LRPPRC: variants seen among roughly 807,000 people sequenced by gnomAD.
The protein encoded by LRPPRC is leucine-rich PPR motif-containing protein, mitochondrial.
Under a neutral mutation model 180.3 loss-of-function variants are expected in LRPPRC, and 120 were observed. The observed-to-expected ratio is 0.67, with a 90% CI of 0.57 to 0.77. The LOEUF (loss-of-function observed/expected upper bound fraction) is 0.77, where lower values mean the gene tolerates loss of function less well. LRPPRC is among the 30% of genes least tolerant of loss of function. LRPPRC has a pLI of 0.00. For synonymous variants in LRPPRC, 723 were observed against 600.0 expected, an observed-to-expected ratio of 1.21 and a Z score of -3.00; for missense variants, 2,012 against 1,657.2, an observed-to-expected ratio of 1.21 and a Z score of -3.72.
Position 43,899,364 on chromosome 2 carries a change from T to C in LRPPRC, c.3710-30A>G, listed in dbSNP as rs1251694954. The C allele has an allele frequency of 1.9e-6, 3 of 1,607,278 alleles. No individual in the cohort carries two copies. In the South Asian group the frequency reaches 3.3e-5, roughly 18 times the overall value. On this transcript the variant is annotated intron_variant, in intron 33 of 37. Coordinates refer to ENST00000260665, the MANE Select transcript of LRPPRC (RefSeq NM_133259.4). Reference sequence around the variant, plus strand: ...AAAAATGACAGGTAAGAAAAATCTTTCATTAGAACAGTGGTATAACTCACC... The same window carrying C: ...AAAAATGACAGGTAAGAAAAATCTTCCATTAGAACAGTGGTATAACTCACC...
intron 25 of LRPPRC, among the ~76,000 whole-genome samples, chr2:43,933,845 A>G (rs1239723902): frequency 6.6e-6 from 1 of 152,234 alleles, no homozygotes; most frequent in African/African-American, 2.4e-5. Flanking sequence ...TTTTAAGAAC[A>G]AAGAATTCTT....
At chr2:43,965,030 A>G (rs1022350204) in intron 11 of LRPPRC, among the ~76,000 whole-genome samples, 4 of 152,076 alleles carry the variant, frequency 2.6e-5, no homozygotes, top group Admixed American at 6.5e-5. Flanking sequence ...GAGACTGAAT[A>G]TTGCTCGGTC....
At chr2:43,894,774 T>C (rs112998481) in intron 35 of LRPPRC, 145 bp from the exon 36 acceptor site, 3 of 624,174 alleles carry the variant, frequency 4.8e-6, no homozygotes, top group African/African-American at 1.8e-5. Flanking sequence ...GTCCCTTGTA[T>C]ATTAGCATTT....
chr2:43,979,922 GCAA>G lies in LRPPRC; in HGVS notation c.370_372del (p.Leu127del). ...AGAGAACCACAACTACGTAGTAGAAGCAAGGCATGACTACCACCTAGGCCACCT... is the reference window on the plus strand; with the variant it reads ...AGAGAACCACAACTACGTAGTAGAAGGGCATGACTACCACCTAGGCCACCT... On this transcript the variant is annotated inframe_deletion, in exon 3 of 38. Coordinates refer to ENST00000260665, the MANE Select transcript of LRPPRC (RefSeq NM_133259.4). 1 of 1,613,782 alleles carries G rather than the reference GCAA, an allele frequency of 6.2e-7. No homozygotes were observed. The highest frequency in any genetic ancestry group is 8.5e-7 in the Non-Finnish European group (1 of 1,179,746).
At chr2:43,960,333 A>G (rs1229068837) in intron 13 of LRPPRC, among the ~76,000 whole-genome samples, 2 of 152,136 alleles carry the variant, frequency 1.3e-5, no homozygotes. Context: ...TCAGTCTAAC[A>G]CCATATTACA....
intron 37 of LRPPRC, among the ~76,000 whole-genome samples, chr2:43,889,334 A>AC: frequency 6.6e-6 from 1 of 151,006 alleles, no homozygotes; most frequent in African/African-American, 2.4e-5. Context: ...AAAAAAAAAA[A>AC]AAAAAGGCAA....
chr2:43,959,839 G>A (rs1053106654), intron 13 of LRPPRC, among the ~76,000 whole-genome samples: 8 of 152,146 alleles, frequency 5.3e-5, no homozygotes, highest in African/African-American at 1.9e-4. Context: ...AGTCAAGTTC[G>A]CACCACTGCA....
intron 23 of LRPPRC, among the ~76,000 whole-genome samples, chr2:43,939,898 G>A (rs1672418382): frequency 6.6e-6 from 1 of 152,198 alleles, no homozygotes; most frequent in African/African-American, 2.4e-5. Context: ...ACAACTGAAT[G>A]ATTAGACAAG....
chr2:43,913,296 A>G lies in LRPPRC; in HGVS notation c.3149-738T>C, dbSNP rs1013816146. Among the ~76,000 whole-genome samples the G allele has an allele frequency of 3.0e-4, 45 of 152,190 alleles. 1 individual carries two copies. The highest frequency in any genetic ancestry group is 1.0e-3 in the African/African-American group (42 of 41,462). On this transcript the variant is annotated intron_variant, in intron 29 of 37. Coordinates refer to ENST00000260665, the MANE Select transcript of LRPPRC (RefSeq NM_133259.4). ...TTTTCTGAAATAAAACTGCCTGGCT[A>G]TAAACAGCCAACTGAAACTACAATC...
intron 27 of LRPPRC, among the ~76,000 whole-genome samples, chr2:43,919,138 A>G (rs1315988460): frequency 1.3e-5 from 2 of 152,102 alleles, no homozygotes; most frequent in Non-Finnish European, 2.9e-5. Flanking sequence ...TGCCAACTCT[A>G]TTGTGAACTG....
chr2:43,947,357 G>T lies in LRPPRC; in HGVS notation c.1979C>A (p.Thr660Lys). ...AAGTGTGGACTCCAATTCAGATGAT[G>T]TAAGTTGCACAGTCTACAGAAAAGA... The part of the protein sequence containing the change: ...NLDFQKTVQL[T>K]SSELESTLET... The change falls in exon 20 of 38, where the codon ACA (threonine) becomes AAA (lysine). Residue 660 changes from threonine to lysine, a missense_variant. Transcript: ENST00000260665. The T allele has an allele frequency of 6.4e-7, 1 of 1,565,794 alleles. No individual in the cohort carries two copies. The highest frequency in any genetic ancestry group is 8.8e-7 in the Non-Finnish European group (1 of 1,137,086).
chr2:43,980,207 A>G (rs1572574372), intron 2 of LRPPRC, among the ~76,000 whole-genome samples: 1 of 152,198 alleles, frequency 6.6e-6, no homozygotes, highest in East Asian at 1.9e-4. Flanking sequence ...ATACAAAAAT[A>G]CAAAGAACCT....
chr2:43,953,366 G>A (rs17031775), intron 14 of LRPPRC, among the ~76,000 whole-genome samples: 28,278 of 152,012 alleles, frequency 0.19, 3,345 homozygotes, highest in African/African-American at 0.33. Context: ...ATTAACCAAT[G>A]GTATACAGTT....
At chr2:43,985,550 C>T (rs1171817724) in intron 1 of LRPPRC, among the ~76,000 whole-genome samples, 3 of 152,162 alleles carry the variant, frequency 2.0e-5, no homozygotes, top group African/African-American at 4.8e-5. Context: ...CTAGTTTTGC[C>T]TTTCCCAGAA....
chr2:43,971,255 A>C (rs1040605036), intron 11 of LRPPRC, among the ~76,000 whole-genome samples: 2 of 151,996 alleles, frequency 1.3e-5, no homozygotes, highest in African/African-American at 2.4e-5. Flanking sequence ...TATTCATTAC[A>C]GGTTATTTCC....
rs750376892 is a variant in LRPPRC at position 43,974,266 on chromosome 2, T to C, written c.1039A>G (p.Thr347Ala). The C allele has an allele frequency of 3.1e-6, 5 of 1,611,974 alleles. No homozygotes were observed. The highest frequency in any genetic ancestry group is 3.4e-6 in the Non-Finnish European group (4 of 1,178,030). ...DAMNLILLLV[T>A]EKLEDVALQI... The stretch of plus-strand genomic sequence containing the variant: ...AACGCTACATCTTCCAATTTTTCAG[T>C]GACTAAAAGTAAAATGAGGTTCATT... The change falls in exon 9 of 38, where the codon ACT becomes GCT. Residue 347 changes from threonine to alanine, a missense_variant. Transcript: ENST00000260665.
At chr2:43,893,364 G>C (rs567152889) in intron 36 of LRPPRC, among the ~76,000 whole-genome samples, 95 of 152,276 alleles carry the variant, frequency 6.2e-4, no homozygotes, top group African/African-American at 2.1e-3. Flanking sequence ...GCATACTACA[G>C]AGAACTCTTT....
chr2:43,937,437 A>C (rs985167388), intron 23 of LRPPRC, among the ~76,000 whole-genome samples: 7 of 152,166 alleles, frequency 4.6e-5, no homozygotes, highest in African/African-American at 1.4e-4. Context: ...AAAGACAAAA[A>C]TTTACATTCC....
At chr2:43,938,977 A>T (rs1467034814) in intron 23 of LRPPRC, among the ~76,000 whole-genome samples, 1 of 152,110 alleles carries the variant, frequency 6.6e-6, no homozygotes, top group Non-Finnish European at 1.5e-5. Context: ...ATACTTAAAC[A>T]ACAAAAGAAA....
Sources: gnomAD v4.1 joint callset for allele counts (sites outside exome capture counted in the v4.1 genomes callset) on GRCh38, gnomAD v4.1.1 for gene constraint, MANE v1.5 for transcripts, NCBI Gene and HGNC (gene_info 2026-07-23, HGNC 2026-07-21) for gene names.